HSDL2: variants seen among roughly 807,000 people sequenced by gnomAD.
The protein encoded by HSDL2 is hydroxysteroid dehydrogenase-like protein 2.
HSDL2 carries 27 observed loss-of-function variants against 46.3 expected under a neutral mutation model. The observed-to-expected ratio is 0.58, with a 90% confidence interval of 0.43 to 0.80. The LOEUF is 0.80. Ranked by LOEUF, HSDL2 falls within the 30% of genes least tolerant of loss-of-function variation. The probability of loss-of-function intolerance (pLI) is 0.00; values close to 1 mark genes in which losing one functional copy is unlikely to be tolerated. For missense variants in HSDL2, 451 were observed against 502.7 expected (o/e 0.90, Z 0.98); for synonymous variants, 153 against 163.6 (o/e 0.94, Z 0.50).
At chr9:112,401,048 A>G (rs1172106916) in intron 1 of HSDL2, among the ~76,000 whole-genome samples, 3 of 152,194 alleles carry the variant, frequency 2.0e-5, no homozygotes, top group Non-Finnish European at 4.4e-5. Flanking sequence ...GGCCGGGGTT[A>G]TCTTCCTGTT....
intron 6 of HSDL2, among the ~76,000 whole-genome samples, chr9:112,431,503 G>A (rs532547886): frequency 1.3e-5 from 2 of 152,262 alleles, no homozygotes; most frequent in African/African-American, 4.8e-5. Flanking sequence ...ATACAGTTTG[G>A]ATGTTGTCTC....
chr9:112,451,662 G>T (rs1832887417), intron 8 of HSDL2, among the ~76,000 whole-genome samples: 1 of 151,646 alleles, frequency 6.6e-6, no homozygotes, highest in Non-Finnish European at 1.5e-5. Flanking sequence ...ATACTAGTCA[G>T]TTTTCTTTTA....
chr9:112,408,762 C>T (rs1372345574), intron 3 of HSDL2, 145 bp from the exon 4 acceptor site: 28 of 523,152 alleles, frequency 5.4e-5, no homozygotes, highest in East Asian at 3.5e-4. Context: ...GACCATGTTG[C>T]GTATATGGGC....
intron 2 of HSDL2, among the ~76,000 whole-genome samples, chr9:112,405,123 G>A (rs979040839): frequency 1.3e-5 from 2 of 152,122 alleles, no homozygotes; most frequent in African/African-American, 4.8e-5. Flanking sequence ...AGGCCAAGGC[G>A]GGTGGATCAC....
intron 8 of HSDL2, among the ~76,000 whole-genome samples, chr9:112,447,374 T>A (rs1260237080): frequency 1.3e-5 from 2 of 152,190 alleles, no homozygotes; most frequent in Non-Finnish European, 2.9e-5. Flanking sequence ...ATGCAGTTTA[T>A]CTCTTGGCAA....
At chr9:112,468,066 A>G (rs1264480527) in intron 10 of HSDL2, among the ~76,000 whole-genome samples, 2 of 152,052 alleles carry the variant, frequency 1.3e-5, no homozygotes, top group Non-Finnish European at 2.9e-5. Flanking sequence ...CTGGGTAGAG[A>G]TTTCCAGGTT....
chr9:112,431,531 A>T (rs1182682476), intron 6 of HSDL2, among the ~76,000 whole-genome samples: 1 of 152,156 alleles, frequency 6.6e-6, no homozygotes, highest in Non-Finnish European at 1.5e-5. Flanking sequence ...ATCTCATGTC[A>T]AAATGTCACC....
rs34751911 is a variant in HSDL2 at position 112,424,320 on chromosome 9, CA to C, written c.598+5378del. ...GGGGCGACAGAGCGAGATTCCATCTCAAAAAAAAAAAAAAAATTATATTTTC... is the reference window on the plus strand; with the variant it reads ...GGGGCGACAGAGCGAGATTCCATCTCAAAAAAAAAAAAAAATTATATTTTC... On this transcript the variant is annotated intron_variant, in intron 6 of 10. Coordinates refer to ENST00000398805, the MANE Select transcript of HSDL2 (RefSeq NM_032303.5). Among the ~76,000 whole-genome samples, 237 of 125,252 alleles carry C rather than the reference CA, an allele frequency of 1.9e-3. 1 individual carries two copies. The highest frequency in any genetic ancestry group is 0.012 in the South Asian group (45 of 3,890). 82.2% of individuals were successfully genotyped at this position (125,252 alleles called of 152,430 possible).
chr9:112,454,932 C>A (rs538493431), intron 9 of HSDL2, among the ~76,000 whole-genome samples: 2 of 152,224 alleles, frequency 1.3e-5, no homozygotes, highest in African/African-American at 4.8e-5. Context: ...TCTCAAACTC[C>A]TAGCCTCAAG....
At chr9:112,443,662 T>G (rs1318887627) in intron 8 of HSDL2, among the ~76,000 whole-genome samples, 2 of 152,190 alleles carry the variant, frequency 1.3e-5, no homozygotes, top group Non-Finnish European at 2.9e-5. Flanking sequence ...CTCAAGAGTT[T>G]GAGGCTGCAG....
At chr9:112,457,286 G>T (rs1489823008) in intron 9 of HSDL2, among the ~76,000 whole-genome samples, 3 of 152,198 alleles carry the variant, frequency 2.0e-5, no homozygotes, top group Admixed American at 2.0e-4. Flanking sequence ...CAAAGAGAAG[G>T]CAGAGAAACA....
rs114290416 is a variant in HSDL2, at chr9:112,466,823, T to C, written c.1145-3609T>C. Among the ~76,000 whole-genome samples, 1,106 of 152,300 alleles carry C rather than the reference T, an allele frequency of 7.3e-3. 18 individuals carry two copies. The highest frequency in any genetic ancestry group is 0.025 in the African/African-American group (1,040 of 41,544). On this transcript the variant is annotated intron_variant, in intron 10 of 10. Coordinates refer to ENST00000398805, the MANE Select transcript of HSDL2 (RefSeq NM_032303.5). ...TTGAGTTTTACCTCTTACATTTAGG[T>C]TTATGATCCATTTTAAGTTAATTTT...
At chr9:112,441,354 C>T (rs998087666) in intron 7 of HSDL2, among the ~76,000 whole-genome samples, 2 of 152,016 alleles carry the variant, frequency 1.3e-5, no homozygotes, top group African/African-American at 2.4e-5. Flanking sequence ...GCTTTTAGGA[C>T]GGCAGGTAAG....
chr9:112,454,947 C>A (rs553532268), intron 9 of HSDL2, among the ~76,000 whole-genome samples: 3 of 152,116 alleles, frequency 2.0e-5, no homozygotes, highest in African/African-American at 7.2e-5. Context: ...CTCAAGCAAT[C>A]CTCCTGCCTC....
intron 10 of HSDL2, among the ~76,000 whole-genome samples, chr9:112,468,801 C>G (rs994843975): frequency 2.0e-5 from 3 of 152,284 alleles, no homozygotes; most frequent in East Asian, 1.9e-4. Flanking sequence ...CTCCAAGTTG[C>G]TCTTATCTGT....
At chr9:112,417,781 T>TA (rs34381614) in intron 5 of HSDL2, among the ~76,000 whole-genome samples, 21,372 of 143,420 alleles carry the variant, frequency 0.15, 1,741 homozygotes, top group East Asian at 0.2. Context: ...CTTTCATTCT[T>TA]AAAAAAAAAA....
At chr9:112,449,080 G>GTT (rs59586435) in intron 8 of HSDL2, among the ~76,000 whole-genome samples, 1 of 118,952 alleles carries the variant, frequency 8.4e-6, no homozygotes, top group Non-Finnish European at 1.7e-5. Flanking sequence ...TCTTTCCTCT[G>GTT]TTTTTTTTTT....
At chr9:112,452,128 C>T (rs989213917) in intron 8 of HSDL2, among the ~76,000 whole-genome samples, 12 of 152,074 alleles carry the variant, frequency 7.9e-5, no homozygotes, top group East Asian at 7.7e-4. Flanking sequence ...AATATCTGTT[C>T]GTACTTTAAC....
rs1832714375 is a variant in HSDL2 at position 112,444,785 on chromosome 9, T to TC, written c.865+3021dup. Among the ~76,000 whole-genome samples, 11 of 147,006 alleles carry TC rather than the reference T, an allele frequency of 7.5e-5. No homozygotes were observed. The South Asian group carries it at 2.4e-3, about 32-fold the overall frequency. On this transcript the variant is annotated intron_variant, in intron 8 of 10. Coordinates refer to ENST00000398805, the MANE Select transcript of HSDL2 (RefSeq NM_032303.5). ...GCAATACCATTATTTCTTCATTGAT[T>TC]CCCCCCACCCCTACTCTCCACTGGA...
Sources: allele counts gnomAD v4.1 joint callset (sites outside exome capture counted in the v4.1 genomes callset), GRCh38; gene constraint gnomAD v4.1.1; transcripts MANE v1.5; gene names NCBI Gene and HGNC (gene_info 2026-07-23, HGNC 2026-07-21).